SPAG16: variants seen among roughly 807,000 people sequenced by gnomAD.
The protein encoded by SPAG16 is sperm-associated antigen 16 protein.
Under a neutral mutation model 80.4 loss-of-function variants are expected in SPAG16, and 86 were observed. That is an observed-to-expected ratio of 1.07 (90% CI 0.90 to 1.28). The LOEUF is 1.28. SPAG16 is among the 50% of genes most tolerant of loss of function. SPAG16 has a pLI of 0.00. For synonymous variants in SPAG16, 294 were observed against 265.9 expected (o/e 1.11, Z -1.03); for missense variants, 870 against 765.3 (o/e 1.14, Z -1.61).
intron 15 of SPAG16, among the ~76,000 whole-genome samples, chr2:214,281,938 G>A (rs1161225606): frequency 2.6e-5 from 4 of 152,062 alleles, no homozygotes; most frequent in Admixed American, 6.6e-5. Context: ...CATTTATATA[G>A]AACTCAAAAA....
intron 10 of SPAG16, among the ~76,000 whole-genome samples, chr2:213,494,329 A>G (rs2074391351): frequency 6.6e-6 from 1 of 152,082 alleles, no homozygotes; most frequent in African/African-American, 2.4e-5. Context: ...CCAAATTTTC[A>G]TCTGTCCAAA....
At chr2:214,096,551 G>T (rs1279035252) in intron 13 of SPAG16, among the ~76,000 whole-genome samples, 3 of 151,960 alleles carry the variant, frequency 2.0e-5, no homozygotes, top group Admixed American at 2.0e-4. Context: ...TTATGCTACT[G>T]GGAGCGTTTT....
At chr2:213,822,861 A>G (rs1304168962) in intron 10 of SPAG16, among the ~76,000 whole-genome samples, 1 of 152,132 alleles carries the variant, frequency 6.6e-6, no homozygotes, top group Non-Finnish European at 1.5e-5. Context: ...TTTGCTGAGG[A>G]TGATGGCTTC....
At position 213,388,072 on chromosome 2, in the gene SPAG16, T is replaced by G. The variant is rs190687383; in HGVS notation, c.942+12953T>G. On this transcript the variant is annotated intron_variant, in intron 9 of 15. Coordinates refer to ENST00000331683, the MANE Select transcript of SPAG16 (RefSeq NM_024532.5). ...ACAGGAAGGATTGGACAGTAAATTA[T>G]AGTTAAGTTGGGTCAATTTCAACTC... Among the ~76,000 whole-genome samples, 257 of 152,286 alleles carry G rather than the reference T, an allele frequency of 1.7e-3. 1 individual carries two copies. The highest frequency in any genetic ancestry group is 5.8e-3 in the African/African-American group (241 of 41,568).
At chr2:214,103,808 C>T (rs891272985) in intron 13 of SPAG16, among the ~76,000 whole-genome samples, 1 of 151,760 alleles carries the variant, frequency 6.6e-6, no homozygotes, top group African/African-American at 2.4e-5. Flanking sequence ...GCAGGGAGGG[C>T]TGGGTGAGAA....
At chr2:213,972,102 T>C (rs1320883448) in intron 12 of SPAG16, among the ~76,000 whole-genome samples, 2 of 151,870 alleles carry the variant, frequency 1.3e-5, no homozygotes, top group East Asian at 1.9e-4. Context: ...AATCCACTTA[T>C]ACTCTTTCAG....
chr2:214,028,085 A>G (rs1510556), intron 13 of SPAG16, among the ~76,000 whole-genome samples: 39,144 of 151,778 alleles, frequency 0.26, 5,298 homozygotes, highest in East Asian at 0.48. Flanking sequence ...GATGTGTGAG[A>G]TTGTGGGGAG....
chr2:214,177,153 C>T (rs1279989869), intron 15 of SPAG16, among the ~76,000 whole-genome samples: 1 of 151,052 alleles, frequency 6.6e-6, no homozygotes, highest in African/African-American at 2.4e-5. Flanking sequence ...TTTTTCTTGC[C>T]AATGGATATG....
At chr2:214,014,149 G>A (rs924856377) in intron 13 of SPAG16, 72 bp downstream of exon 13, 1 of 1,562,648 alleles carries the variant, frequency 6.4e-7, no homozygotes, top group African/African-American at 1.4e-5. Context: ...TTTGGGTATG[G>A]AATATGACTT....
At chr2:213,875,993 A>G (rs2076126923) in intron 11 of SPAG16, among the ~76,000 whole-genome samples, 1 of 152,142 alleles carries the variant, frequency 6.6e-6, no homozygotes. Flanking sequence ...TATATATATT[A>G]AACACAGCAA....
chr2:213,365,116 C>T (rs1380197761), intron 8 of SPAG16: 4 of 152,066 alleles, frequency 2.6e-5, no homozygotes, highest in Admixed American at 2.6e-4. Context: ...CCTTCTAGAA[C>T]AAAAAATGAC....
Position 213,684,145 on chromosome 2 carries a change from G to C in SPAG16, c.1071-178340G>C, listed in dbSNP as rs563283241. ...GTTTATAAAAGCTTGAAGCTATCCT[G>C]TCAACACTGGCATTTCATTAAAGAT... On this transcript the variant is annotated intron_variant, in intron 10 of 15. Transcript: ENST00000331683. Among the ~76,000 whole-genome samples the C allele has an allele frequency of 1.5e-3, 231 of 152,294 alleles. 2 individuals are homozygous for C. Among genetic ancestry groups the C allele is most frequent in the African/African-American group, 5.1e-3 (212 of 41,552 alleles).
At chr2:214,394,642 T>A (rs911605937) in intron 15 of SPAG16, among the ~76,000 whole-genome samples, 1 of 152,166 alleles carries the variant, frequency 6.6e-6, no homozygotes, top group African/African-American at 2.4e-5. Flanking sequence ...TTCCTATATA[T>A]CCCCTATCCC....
Position 213,690,211 on chromosome 2 carries a change from C to T in SPAG16, c.1071-172274C>T, listed in dbSNP as rs143953734. Among the ~76,000 whole-genome samples the T allele has an allele frequency of 1.1e-4, 17 of 152,312 alleles. No individual in the cohort carries two copies. In the East Asian group the frequency reaches 2.1e-3, roughly 19 times the overall value. On this transcript the variant is annotated intron_variant, in intron 10 of 15. Transcript: ENST00000331683. ...TCCTCTATTTCTAGACTTAACTCTTCGTCTTAGTCTTAGTCCATTTGTGCT... is the reference window on the plus strand; with the variant it reads ...TCCTCTATTTCTAGACTTAACTCTTTGTCTTAGTCTTAGTCCATTTGTGCT...
intron 9 of SPAG16, among the ~76,000 whole-genome samples, chr2:213,378,236 T>A (rs745751100): frequency 9.9e-5 from 15 of 152,108 alleles, no homozygotes; most frequent in Non-Finnish European, 1.5e-4. Flanking sequence ...GCCCACTGAC[T>A]CAAATGTTAA....
intron 10 of SPAG16, among the ~76,000 whole-genome samples, chr2:213,501,410 G>A (rs2074737727): frequency 6.6e-6 from 1 of 152,074 alleles, no homozygotes; most frequent in African/African-American, 2.4e-5. Context: ...TTACATTTAT[G>A]CTTAAGGAAA....
chr2:214,280,454 T>C (rs1692835240), intron 15 of SPAG16, among the ~76,000 whole-genome samples: 1 of 152,206 alleles, frequency 6.6e-6, no homozygotes, highest in Non-Finnish European at 1.5e-5. Context: ...AGTAACACTA[T>C]CTGCTCTCAA....
chr2:213,287,425 A>C (rs2062095058), intron 1 of SPAG16, among the ~76,000 whole-genome samples: 1 of 152,202 alleles, frequency 6.6e-6, no homozygotes, highest in Admixed American at 6.5e-5. Context: ...GTACTAAGAA[A>C]GCTAAGGGTT....
At chr2:213,580,549 A>G (rs1178646232) in intron 10 of SPAG16, among the ~76,000 whole-genome samples, 3 of 152,120 alleles carry the variant, frequency 2.0e-5, no homozygotes, top group East Asian at 1.9e-4. Context: ...TTGGTAGATT[A>G]TTTCCCAAAA....
Sources: gnomAD v4.1 joint callset for allele counts (sites outside exome capture counted in the v4.1 genomes callset) on GRCh38, gnomAD v4.1.1 for gene constraint, MANE v1.5 for transcripts, NCBI Gene and HGNC (gene_info 2026-07-23, HGNC 2026-07-21) for gene names.